EXOC4: variants seen among roughly 807,000 people sequenced by gnomAD.
EXOC4 encodes the protein exocyst complex component 4.
A neutral mutation model predicts 107.2 loss-of-function variants in EXOC4; 71 were observed. The observed-to-expected ratio is 0.66, with a 90% CI of 0.55 to 0.81. The LOEUF is 0.81. Among genes scored for constraint, EXOC4 ranks in the 30% least tolerant of loss-of-function variants. The probability of loss-of-function intolerance (pLI) is 0.00; values close to 1 mark genes in which losing one functional copy is unlikely to be tolerated. For synonymous variants in EXOC4, 456 were observed against 441.2 expected (o/e 1.03, Z -0.42); for missense variants, 1,108 against 1,189.6 (o/e 0.93, Z 1.01).
At chr7:133,336,890 T>C (rs1795529039) in intron 5 of EXOC4, among the ~76,000 whole-genome samples, 1 of 151,898 alleles carries the variant, frequency 6.6e-6, no homozygotes, top group African/African-American at 2.4e-5. Flanking sequence ...CACGCCACCA[T>C]GCCTAGCTAA....
intron 10 of EXOC4, among the ~76,000 whole-genome samples, chr7:133,660,003 A>AAGCAGAGGCTGACACCATC (rs1423729775): frequency 6.6e-6 from 1 of 152,174 alleles, no homozygotes; most frequent in Non-Finnish European, 1.5e-5. Flanking sequence ...CTGAAACCAG[A>AAGCAGAGGCTGACACCATC]AGCAGAGGCT....
At chr7:133,661,689 CAAAAA>C (rs869078453) in intron 10 of EXOC4, among the ~76,000 whole-genome samples, 5 of 23,676 alleles carry the variant, frequency 2.1e-4, no homozygotes, top group East Asian at 1.9e-3. Flanking sequence ...AAAAAAAAAA[CAAAAA>C]AAAAAAAAAC....
chr7:133,393,501 A>G (rs1796899661), intron 7 of EXOC4, among the ~76,000 whole-genome samples: 1 of 152,184 alleles, frequency 6.6e-6, no homozygotes, highest in South Asian at 2.1e-4. Context: ...CTGAATGTTT[A>G]TGTCCCCCCT....
At chr7:133,450,301 A>T (rs1321215395) in intron 7 of EXOC4, among the ~76,000 whole-genome samples, 1 of 151,848 alleles carries the variant, frequency 6.6e-6, no homozygotes, top group African/African-American at 2.4e-5. Flanking sequence ...AGTAGTTGGG[A>T]CTACAGGGGT....
chr7:133,451,224 T>G (rs1798339085), intron 7 of EXOC4, among the ~76,000 whole-genome samples: 1 of 150,942 alleles, frequency 6.6e-6, no homozygotes, highest in East Asian at 1.9e-4. Context: ...TGTGAAGCTT[T>G]TTTTTTTTTA....
At chr7:133,911,033 TCA>T (rs1563054091) in intron 12 of EXOC4, among the ~76,000 whole-genome samples, 1 of 152,172 alleles carries the variant, frequency 6.6e-6, no homozygotes, top group Non-Finnish European at 1.5e-5. Flanking sequence ...TGAAATTCAC[TCA>T]GCTGTATCTC....
intron 5 of EXOC4, among the ~76,000 whole-genome samples, chr7:133,342,378 G>A (rs570446880): frequency 6.6e-6 from 1 of 152,210 alleles, no homozygotes; most frequent in East Asian, 1.9e-4. Context: ...ATCCCTTCCA[G>A]CTTGTAGGTT....
chr7:133,662,042 G>A (rs1470560883), intron 10 of EXOC4, among the ~76,000 whole-genome samples: 2 of 152,088 alleles, frequency 1.3e-5, no homozygotes, highest in Non-Finnish European at 2.9e-5. Flanking sequence ...AAAACTCCAC[G>A]AAGGTAGTAT....
At chr7:133,945,263 C>T (rs574276468) in intron 14 of EXOC4, among the ~76,000 whole-genome samples, 1 of 152,252 alleles carries the variant, frequency 6.6e-6, no homozygotes, top group Admixed American at 6.5e-5. Context: ...TTAACATATC[C>T]CCAGGCAATT....
At chr7:133,870,841 T>C (rs1045598423) in intron 11 of EXOC4, among the ~76,000 whole-genome samples, 1 of 152,210 alleles carries the variant, frequency 6.6e-6, no homozygotes, top group African/African-American at 2.4e-5. Flanking sequence ...TTTCATAAGC[T>C]CTGTCATTTT....
At chr7:133,592,364 A>G (rs191875009) in intron 9 of EXOC4, among the ~76,000 whole-genome samples, 4 of 152,172 alleles carry the variant, frequency 2.6e-5, no homozygotes, top group African/African-American at 9.7e-5. Flanking sequence ...ACTTTAGTGC[A>G]TAGAGAAATG....
At chr7:133,739,054 G>T (rs1283670380) in intron 10 of EXOC4, among the ~76,000 whole-genome samples, 3 of 152,162 alleles carry the variant, frequency 2.0e-5, no homozygotes, top group Non-Finnish European at 4.4e-5. Flanking sequence ...TAAATTATTT[G>T]TTGTGGTTCA....
chr7:133,814,221 A>G (rs1371201403), intron 10 of EXOC4, among the ~76,000 whole-genome samples: 3 of 152,162 alleles, frequency 2.0e-5, no homozygotes, highest in East Asian at 1.9e-4. Context: ...AAATAAACAA[A>G]TGGGTATATA....
intron 17 of EXOC4, among the ~76,000 whole-genome samples, chr7:134,010,546 T>C (rs1030182161): frequency 6.6e-6 from 1 of 152,172 alleles, no homozygotes; most frequent in Non-Finnish European, 1.5e-5. Flanking sequence ...CTCCATCAAT[T>C]CTACCATATT....
chr7:133,787,964 TATATATA>T lies in EXOC4; in HGVS notation c.1515-29360_1515-29354del, dbSNP rs1562997629. Among the ~76,000 whole-genome samples, 21 of 9,242 alleles carry T rather than the reference TATATATA, an allele frequency of 2.3e-3. 2 individuals carry two copies. The highest frequency in any genetic ancestry group is 6.9e-3 in the South Asian group (1 of 144). 6.1% of individuals were successfully genotyped at this position (9,242 alleles called of 152,430 possible). On this transcript the variant is annotated intron_variant, in intron 10 of 17. Coordinates refer to ENST00000253861, the MANE Select transcript of EXOC4 (RefSeq NM_021807.4). ...TTCCCTGTGCATATATTTATATATTTATATATATATATATATATATATATATATATAT... is the reference window on the plus strand; with the variant it reads ...TTCCCTGTGCATATATTTATATATTTTATATATATATATATATATATATAT...
chr7:133,908,605 G>A (rs899932401), intron 12 of EXOC4, among the ~76,000 whole-genome samples: 2 of 152,130 alleles, frequency 1.3e-5, no homozygotes, highest in Non-Finnish European at 2.9e-5. Context: ...TCTGTATTTC[G>A]CCTATCAAAT....
chr7:133,953,213 C>T (rs1800732986), intron 14 of EXOC4, among the ~76,000 whole-genome samples: 1 of 152,122 alleles, frequency 6.6e-6, no homozygotes, highest in Non-Finnish European at 1.5e-5. Context: ...TTTGGGAAGC[C>T]AAGGTGGGCG....
chr7:133,680,591 C>G (rs947091107), intron 10 of EXOC4, among the ~76,000 whole-genome samples: 1 of 152,176 alleles, frequency 6.6e-6, no homozygotes, highest in East Asian at 1.9e-4. Context: ...TCTCCACCCC[C>G]ATCTTGTAAG....
chr7:133,604,364 A>G (rs147418979), intron 9 of EXOC4, among the ~76,000 whole-genome samples: 2 of 152,294 alleles, frequency 1.3e-5, no homozygotes, highest in African/African-American at 4.8e-5. Flanking sequence ...TTGTAATTGT[A>G]TGTGCTATAC....
Sources: allele counts gnomAD v4.1 joint callset (sites outside exome capture counted in the v4.1 genomes callset), GRCh38; gene constraint gnomAD v4.1.1; transcripts MANE v1.5; gene names NCBI Gene and HGNC (gene_info 2026-07-23, HGNC 2026-07-21).